Variants in TSPAN7 observed in about 807,000 individuals in gnomAD.
TSPAN7 encodes tetraspanin-7.
TSPAN7 carries 1 observed loss-of-function variant against 17.6 expected under a neutral mutation model. The observed-to-expected ratio is 0.06, with a 90% confidence interval of 0.02 to 0.27. TSPAN7 has a LOEUF of 0.27. TSPAN7 is among the 10% of genes least tolerant of loss of function. The pLI is 1.00. For missense variants in TSPAN7, 112 were observed against 201.7 expected (o/e 0.56, Z 2.69); for synonymous variants, 78 against 79.0 (o/e 0.99, Z 0.07).
intron 1 of TSPAN7, among the ~76,000 whole-genome samples, chrX:38,594,936 A>T (rs1399515985): frequency 1.8e-5 from 2 of 111,387 alleles, no homozygotes; most frequent in African/African-American, 6.5e-5. Flanking sequence ...ATCATTTCAT[A>T]TCAGTTTATA....
intron 2 of TSPAN7, among the ~76,000 whole-genome samples, 171 bp from the exon 3 acceptor site, chrX:38,671,205 G>C (rs1230353590): frequency 8.9e-6 from 1 of 112,337 alleles, no homozygotes; most frequent in Non-Finnish European, 1.9e-5. Context: ...TTCCTAGATT[G>C]AGGCTTATGT....
chrX:38,605,876 G>A (rs1382248884), intron 1 of TSPAN7, among the ~76,000 whole-genome samples: 1 of 107,231 alleles, frequency 9.3e-6, no homozygotes, highest in Non-Finnish European at 1.9e-5. Flanking sequence ...AGCTGAAACT[G>A]GATCCCTTCC....
chrX:38,608,426 A>AG (rs1220434992), intron 1 of TSPAN7: 1 of 110,647 alleles, frequency 9.0e-6, no homozygotes, highest in Non-Finnish European at 1.9e-5. Flanking sequence ...TCACTTCAGA[A>AG]GACAGTATTT....
At chrX:38,597,163 C>T (rs2069322551) in intron 1 of TSPAN7, among the ~76,000 whole-genome samples, 1 of 110,968 alleles carries the variant, frequency 9.0e-6, no homozygotes, top group African/African-American at 3.3e-5. Flanking sequence ...TATTTGTAAC[C>T]CCCAAATCGG....
chrX:38,650,898 A>G (rs776431232), intron 1 of TSPAN7, among the ~76,000 whole-genome samples: 58 of 110,459 alleles, frequency 5.3e-4, no homozygotes, highest in Non-Finnish European at 9.3e-4. Context: ...CCGTTTTTAC[A>G]TGTAAGGATC....
chrX:38,607,677 T>C (rs1241559843), intron 1 of TSPAN7, among the ~76,000 whole-genome samples: 1 of 111,224 alleles, frequency 9.0e-6, no homozygotes, highest in Non-Finnish European at 1.9e-5. Flanking sequence ...TCTAATTTTC[T>C]ATAATTCTGT....
At chrX:38,586,829 T>C (rs1457635103) in intron 1 of TSPAN7, among the ~76,000 whole-genome samples, 1 of 112,187 alleles carries the variant, frequency 8.9e-6, no homozygotes, top group Non-Finnish European at 1.9e-5. Context: ...ATGTGCTCTT[T>C]AGCTATGGAG....
At chrX:38,619,629 A>G (rs1419136305) in intron 1 of TSPAN7, among the ~76,000 whole-genome samples, 1 of 111,813 alleles carries the variant, frequency 8.9e-6, no homozygotes, top group African/African-American at 3.3e-5. Flanking sequence ...CCTAAATTAG[A>G]TTGAAAATCT....
chrX:38,665,527 C>T (rs767254109), intron 1 of TSPAN7, among the ~76,000 whole-genome samples: 1 of 112,093 alleles, frequency 8.9e-6, no homozygotes, highest in East Asian at 2.8e-4. Flanking sequence ...TTTGGCAAAT[C>T]GCATTACAGC....
At chrX:38,591,953 C>G (rs2069294673) in intron 1 of TSPAN7, among the ~76,000 whole-genome samples, 1 of 111,983 alleles carries the variant, frequency 8.9e-6, no homozygotes, top group South Asian at 3.7e-4. Flanking sequence ...CATGTTTCCA[C>G]AGGCTGCATA....
intron 1 of TSPAN7, among the ~76,000 whole-genome samples, chrX:38,637,366 C>T (rs768393192): frequency 6.2e-5 from 7 of 112,224 alleles, no homozygotes; most frequent in Admixed American, 1.9e-4. Flanking sequence ...AGTTTGCTTC[C>T]GTTTTACACG....
At chrX:38,649,401 G>C (rs1039795893) in intron 1 of TSPAN7, among the ~76,000 whole-genome samples, 1 of 112,628 alleles carries the variant, frequency 8.9e-6, no homozygotes, top group South Asian at 3.7e-4. Flanking sequence ...GGTCCATAGA[G>C]TATGGTGAGT....
chrX:38,683,941 T>G (rs73617361), intron 6 of TSPAN7, among the ~76,000 whole-genome samples: 1,890 of 112,907 alleles, frequency 0.017, 33 homozygotes, highest in African/African-American at 0.058. Flanking sequence ...TGCCTTAGCC[T>G]TCCTATAATA....
intron 1 of TSPAN7, among the ~76,000 whole-genome samples, chrX:38,647,360 G>A (rs942909099): frequency 3.6e-5 from 4 of 111,807 alleles, no homozygotes; most frequent in South Asian, 3.8e-4. Context: ...CAGGTCATCC[G>A]CCTGCCTCGG....
intron 1 of TSPAN7, among the ~76,000 whole-genome samples, chrX:38,583,461 G>A (rs1050034665): frequency 8.9e-6 from 1 of 112,009 alleles, no homozygotes; most frequent in Non-Finnish European, 1.9e-5. Flanking sequence ...AAATATGCTA[G>A]AAATATTGAG....
chrX:38,625,579 T>A (rs1237616268), intron 1 of TSPAN7, among the ~76,000 whole-genome samples: 1 of 111,890 alleles, frequency 8.9e-6, no homozygotes, highest in East Asian at 2.8e-4. Context: ...AAAAATATGT[T>A]AAGGGAGAGA....
intron 1 of TSPAN7, among the ~76,000 whole-genome samples, chrX:38,658,846 G>A (rs1016566298): frequency 9.0e-6 from 1 of 111,291 alleles, no homozygotes; most frequent in Admixed American, 9.6e-5. Flanking sequence ...ACAGAGCCTG[G>A]ACCAGACGGT....
In TSPAN7 at chrX:38,666,292, C is replaced by T. The variant is rs914254151; in HGVS notation, c.253C>T (p.Pro85Ser). ...ATGCTTTGCTACATGTCGTGGTAGC[C>T]CATGGATGCTGAAACTGGTGAGTAT... ...FGCFATCRGS[P>S]WMLKLYAMFL... Residue 85 changes from proline (P) to serine (S), a missense_variant, in exon 2 of 8, where the codon CCA becomes TCA. By Grantham distance (74) the Pro-to-Ser change is moderately conservative (BLOSUM62 -1). Transcript: ENST00000378482. 7 of 1,209,133 alleles carry T rather than the reference C, an allele frequency of 5.8e-6. No individual in the cohort carries two copies. The highest frequency in any genetic ancestry group is 7.8e-6 in the Non-Finnish European group (7 of 894,533).
At chrX:38,613,483 A>AT (rs1284534112) in intron 1 of TSPAN7, among the ~76,000 whole-genome samples, 1 of 110,891 alleles carries the variant, frequency 9.0e-6, no homozygotes, top group African/African-American at 3.3e-5. Flanking sequence ...AGCTTGTTGA[A>AT]TTTTTTTTCA....
Sources: allele counts gnomAD v4.1 joint callset (sites outside exome capture counted in the v4.1 genomes callset), GRCh38; gene constraint gnomAD v4.1.1; transcripts MANE v1.5; gene names NCBI Gene and HGNC (gene_info 2026-07-23, HGNC 2026-07-21).